The following TDRD1 variants were observed in gnomAD, a reference collection of about 807,000 sequenced individuals.
TDRD1 encodes the protein tudor domain containing 1.
In TDRD1, 37 loss-of-function variants were observed where a neutral mutation model predicts 140.6. That is an observed-to-expected ratio of 0.26 (90% CI 0.20 to 0.35). The LOEUF is 0.35. TDRD1 is among the 10% of genes least tolerant of loss of function. The probability of loss-of-function intolerance (pLI) is 1.00; values close to 1 mark genes in which losing one functional copy is unlikely to be tolerated. For synonymous variants in TDRD1, 506 were observed against 475.7 expected (o/e 1.06, Z -0.83); for missense variants, 1,243 against 1,393.0 (o/e 0.89, Z 1.71).
intron 20 of TDRD1, among the ~76,000 whole-genome samples, chr10:114,221,864 C>T (rs2036166216): frequency 1.3e-5 from 2 of 152,164 alleles, no homozygotes; most frequent in Admixed American, 1.3e-4. Context: ...AAATGTTTCA[C>T]ACTAGAACGA....
Position 114,195,556 on chromosome 10 carries a change from C to A in TDRD1, c.385-3617C>A, listed in dbSNP as rs1190907338. Among the ~76,000 whole-genome samples the A allele has an allele frequency of 2.6e-5, 4 of 151,884 alleles. No individual in the cohort carries two copies. In the South Asian group the frequency reaches 8.3e-4, roughly 32 times the overall value. On this transcript the variant is annotated intron_variant, in intron 3 of 25. Transcript: ENST00000251864. ...TTGACTCTTTTGTCATCATAATGTC[C>A]CTCTCTCTGGTAATTTTCTTTCCCT...
At chr10:114,218,350 A>G in intron 17 of TDRD1, 64 bp from the exon 18 acceptor site, 6 of 1,202,732 alleles carry the variant, frequency 5.0e-6, no homozygotes, top group Non-Finnish European at 5.5e-6. Context: ...TTTTTTCAAG[A>G]TAAGTATTTC....
chr10:114,199,182 A>G (rs983902064), exon 4 of TDRD1: 6 of 1,610,136 alleles, frequency 3.7e-6, no homozygotes, highest in Non-Finnish European at 5.1e-6. Flanking sequence ...GAAGCCTGGA[A>G]ATAATGTACG....
chr10:114,212,177 T>A, intron 14 of TDRD1, 141 bp downstream of exon 14: 2 of 730,546 alleles, frequency 2.7e-6, no homozygotes, highest in Non-Finnish European at 4.2e-6. Flanking sequence ...ATGTCATTTA[T>A]CCCAAAGAAA....
At position 114,204,055 on chromosome 10, in the gene TDRD1, A is replaced by G; in HGVS notation, c.982-18A>G. ...AAATGCTGTTATGAAGCAGAGTACCATTATATTTCACTTTCAGACCTGGAA... is the reference window on the plus strand; with the variant it reads ...AAATGCTGTTATGAAGCAGAGTACCGTTATATTTCACTTTCAGACCTGGAA... On this transcript the variant is annotated intron_variant, in intron 8 of 25. Transcript: ENST00000251864. 2 of 1,595,478 alleles carry G rather than the reference A, an allele frequency of 1.3e-6. No homozygotes were observed. Among genetic ancestry groups the G allele is most frequent in the Non-Finnish European group, 1.7e-6 (2 of 1,175,702 alleles).
In TDRD1 at chr10:114,186,426, G is replaced by A. The variant is rs193005593; in HGVS notation, c.-6-1400G>A. ...CTACAGGCACCCGCCACCACGCCTG[G>A]CTAATTTTTTTGTATTTTTAGTAGA... On this transcript the variant is annotated intron_variant, in intron 1 of 25. Transcript: ENST00000251864. Among the ~76,000 whole-genome samples the A allele has an allele frequency of 3.8e-3, 582 of 152,144 alleles. 3 individuals carry two copies. The highest frequency in any genetic ancestry group is 0.013 in the African/African-American group (545 of 41,538).
chr10:114,175,188 C>T (rs958345058), upstream of TDRD1, among the ~76,000 whole-genome samples: 1 of 152,120 alleles, frequency 6.6e-6, no homozygotes, highest in African/African-American at 2.4e-5. Context: ...AATGATTTGA[C>T]TTTAAAACAA....
In TDRD1 at chr10:114,203,584, T is replaced by C. The variant is rs201884158; in HGVS notation, c.981+17T>C. ...GTTGATCAGGTAACCTGTAATGAAATGAATTATTTAAAACGTTTGAGCTAA... is the reference window on the plus strand; with the variant it reads ...GTTGATCAGGTAACCTGTAATGAAACGAATTATTTAAAACGTTTGAGCTAA... On this transcript the variant is annotated intron_variant, in intron 8 of 25. Transcript: ENST00000251864. The C allele has an allele frequency of 1.7e-5, 27 of 1,582,158 alleles. No individual in the cohort carries two copies. The East Asian group carries it at 5.4e-4, about 32-fold the overall frequency.
intron 14 of TDRD1, among the ~76,000 whole-genome samples, chr10:114,212,639 A>G (rs2035558723): frequency 6.6e-6 from 1 of 152,228 alleles, no homozygotes; most frequent in Admixed American, 6.5e-5. Context: ...TGACTGAAGC[A>G]TAACTGTTGG....
At chr10:114,203,294 C>A in intron 7 of TDRD1, 94 bp from the exon 8 acceptor site, 1 of 1,502,080 alleles carries the variant, frequency 6.7e-7, no homozygotes, top group South Asian at 1.3e-5. Flanking sequence ...AAACTGCCTA[C>A]AATGCTGTTT....
intron 19 of TDRD1, 56 bp downstream of exon 19, chr10:114,220,899 CTA>C (rs2036102876): frequency 4.5e-6 from 6 of 1,325,006 alleles, no homozygotes; most frequent in African/African-American, 1.5e-5. Context: ...CTCTCAGAGA[CTA>C]TGAAAAATTT....
chr10:114,197,352 G>T (rs1426656224), intron 3 of TDRD1, among the ~76,000 whole-genome samples: 1 of 152,088 alleles, frequency 6.6e-6, no homozygotes, highest in Non-Finnish European at 1.5e-5. Flanking sequence ...TTATGCTAGT[G>T]AGTCTGCTAT....
chr10:114,205,310 C>T (rs2035027475), intron 10 of TDRD1, among the ~76,000 whole-genome samples: 1 of 152,092 alleles, frequency 6.6e-6, no homozygotes. Flanking sequence ...TCTCTTCTTC[C>T]CTTCTGGCCT....
At chr10:114,207,132 C>T (rs2035174959) in intron 11 of TDRD1, among the ~76,000 whole-genome samples, 1 of 152,206 alleles carries the variant, frequency 6.6e-6, no homozygotes, top group South Asian at 2.1e-4. Context: ...TGCCTAATCA[C>T]CTGTGTTTGT....
chr10:114,187,920 A>G, exon 2 of TDRD1: 1 of 1,613,328 alleles, frequency 6.2e-7, no homozygotes, highest in South Asian at 1.1e-5. Context: ...AATTTTGAGA[A>G]AAATGAAAAC....
At chr10:114,192,953 A>G (rs1467422312) in intron 3 of TDRD1, among the ~76,000 whole-genome samples, 1 of 152,244 alleles carries the variant, frequency 6.6e-6, no homozygotes, top group African/African-American at 2.4e-5. Flanking sequence ...CATACAGTTT[A>G]GAATAATCTC....
chr10:114,203,193 A>G lies in TDRD1; in HGVS notation c.801+17A>G, dbSNP rs749592860. On this transcript the variant is annotated intron_variant, in intron 7 of 25. Transcript: ENST00000251864. ...GAAATAAAGGTATTTGTTTTTCTTC[A>G]ATCTCCATAGACACAGATCCAGAGA... 4 of 1,580,614 alleles carry G rather than the reference A, an allele frequency of 2.5e-6. No individual in the cohort carries two copies. The highest frequency in any genetic ancestry group is 3.5e-6 in the Non-Finnish European group (4 of 1,151,312).
chr10:114,206,749 G>T (rs1290445958), intron 11 of TDRD1, among the ~76,000 whole-genome samples: 1 of 151,916 alleles, frequency 6.6e-6, no homozygotes, highest in Non-Finnish European at 1.5e-5. Flanking sequence ...GAGGAGCTGG[G>T]ATTACAGGCT....
At chr10:114,193,289 C>CTTTTTTTTTTT (rs1170053036) in intron 3 of TDRD1, among the ~76,000 whole-genome samples, 6 of 83,702 alleles carry the variant, frequency 7.2e-5, no homozygotes, top group Non-Finnish European at 1.2e-4. Flanking sequence ...TTGCTGAAGT[C>CTTTTTTTTTTT]TTTTTTTTTT....
Sources: gnomAD v4.1 joint callset for allele counts (sites outside exome capture counted in the v4.1 genomes callset) on GRCh38, gnomAD v4.1.1 for gene constraint, MANE v1.5 for transcripts, NCBI Gene and HGNC (gene_info 2026-07-23, HGNC 2026-07-21) for gene names.